NR1H4: variants seen among roughly 807,000 people sequenced by gnomAD.
The protein encoded by NR1H4 is nuclear receptor subfamily 1 group H member 4.
In NR1H4, 23 loss-of-function variants were observed where a neutral mutation model predicts 58.5. The ratio of observed to expected loss-of-function variants is 0.39; its 90% CI spans 0.28 to 0.56. The LOEUF (loss-of-function observed/expected upper bound fraction) is 0.56. Ranked by LOEUF, NR1H4 falls within the 20% of genes least tolerant of loss-of-function variation. The pLI is 0.58. For synonymous variants in NR1H4, 214 were observed against 198.0 expected, an observed-to-expected ratio of 1.08 and a Z score of -0.68; for missense variants, 487 against 576.9, an observed-to-expected ratio of 0.84 and a Z score of 1.60.
intron 9 of NR1H4, among the ~76,000 whole-genome samples, chr12:100,543,484 G>A (rs780221935): frequency 5.3e-5 from 8 of 152,094 alleles, no homozygotes; most frequent in Non-Finnish European, 8.8e-5. Context: ...GGATCTGGGA[G>A]ATATATCTTC....
At chr12:100,557,151 A>G (rs981889696) in intron 9 of NR1H4, among the ~76,000 whole-genome samples, 1 of 152,158 alleles carries the variant, frequency 6.6e-6, no homozygotes, top group Non-Finnish European at 1.5e-5. Flanking sequence ...AAAGAGGTTT[A>G]TTTGGTTCAT....
chr12:100,562,379 A>G (rs868712348), intron 10 of NR1H4, among the ~76,000 whole-genome samples: 63 of 152,186 alleles, frequency 4.1e-4, no homozygotes, highest in South Asian at 2.1e-4. Flanking sequence ...GAATATAAAG[A>G]AAGAGAGTGG....
intron 4 of NR1H4, among the ~76,000 whole-genome samples, chr12:100,512,672 T>G (rs1292827287): frequency 1.3e-5 from 2 of 151,446 alleles, no homozygotes; most frequent in Non-Finnish European, 2.9e-5. Flanking sequence ...TAAAATCCCA[T>G]GTGATTACTG....
chr12:100,558,262 A>G (rs1008384761), intron 9 of NR1H4, among the ~76,000 whole-genome samples: 1 of 146,626 alleles, frequency 6.8e-6, no homozygotes, highest in African/African-American at 2.5e-5. Context: ...AGTCCCAGCT[A>G]CTTGGGAGGC....
intron 8 of NR1H4, among the ~76,000 whole-genome samples, chr12:100,537,518 G>GATA (rs1954840470): frequency 6.6e-6 from 1 of 152,122 alleles, no homozygotes; most frequent in Non-Finnish European, 1.5e-5. Context: ...TAATAATAAT[G>GATA]ATAAATACAC....
intron 1 of NR1H4, among the ~76,000 whole-genome samples, chr12:100,479,592 C>G (rs1953337409): frequency 6.6e-6 from 1 of 152,246 alleles, no homozygotes; most frequent in Non-Finnish European, 1.5e-5. Context: ...TCCTTCAAGA[C>G]TAAGTTCAAG....
intron 9 of NR1H4, among the ~76,000 whole-genome samples, chr12:100,553,747 G>A (rs11110418): frequency 0.3 from 45,281 of 152,128 alleles, 8,691 homozygotes; most frequent in East Asian, 0.91. Flanking sequence ...TGCTATCCTT[G>A]GCGTATTGAC....
chr12:100,500,685 T>C (rs1953814212), intron 3 of NR1H4, among the ~76,000 whole-genome samples: 1 of 152,184 alleles, frequency 6.6e-6, no homozygotes, highest in Admixed American at 6.5e-5. Flanking sequence ...GTTCTCATGA[T>C]AGTGAGTGAG....
intron 3 of NR1H4, among the ~76,000 whole-genome samples, chr12:100,507,981 A>G (rs1009529844): frequency 6.6e-6 from 1 of 152,138 alleles, no homozygotes; most frequent in African/African-American, 2.4e-5. Flanking sequence ...ACTTTTAGAT[A>G]TAAAGAAGAA....
intron 9 of NR1H4, among the ~76,000 whole-genome samples, chr12:100,558,556 G>T (rs1301617782): frequency 6.6e-6 from 1 of 152,102 alleles, no homozygotes; most frequent in African/African-American, 2.4e-5. Flanking sequence ...ATGGGGTTTT[G>T]CCATGTTGCC....
chr12:100,500,348 G>C (rs1953806433), intron 3 of NR1H4, among the ~76,000 whole-genome samples: 1 of 152,106 alleles, frequency 6.6e-6, no homozygotes, highest in Non-Finnish European at 1.5e-5. Flanking sequence ...GCCCCACTCA[G>C]CGTGAGAGGT....
chr12:100,524,719 G>T (rs1954512941), intron 4 of NR1H4, among the ~76,000 whole-genome samples: 1 of 152,164 alleles, frequency 6.6e-6, no homozygotes, highest in Non-Finnish European at 1.5e-5. Flanking sequence ...CTCTTCAACT[G>T]CTCCTAGAGG....
intron 5 of NR1H4, 127 bp from the exon 6 acceptor site, chr12:100,534,763 G>T (rs1954775469): frequency 2.9e-6 from 3 of 1,050,322 alleles, no homozygotes; most frequent in Non-Finnish European, 4.4e-6. Context: ...ATGCATAAAA[G>T]GCTAGCGTTA....
chr12:100,505,312 A>C (rs971830892), intron 3 of NR1H4, among the ~76,000 whole-genome samples: 11 of 152,192 alleles, frequency 7.2e-5, no homozygotes, highest in Admixed American at 2.0e-4. Flanking sequence ...TTCTGGTCCC[A>C]AACTCCTTAG....
At chr12:100,504,962 G>T (rs1483137133) in intron 3 of NR1H4, among the ~76,000 whole-genome samples, 1 of 152,200 alleles carries the variant, frequency 6.6e-6, no homozygotes, top group Non-Finnish European at 1.5e-5. Context: ...CAGAGTAGGT[G>T]ACCAGAAGTA....
rs143581679 is a variant in NR1H4, at chr12:100,541,571, C to T, written c.1078+753C>T. The stretch of plus-strand genomic sequence containing the variant: ...TGCTGAGATTACAGGTGTGAGCCAC[C>T]GTGCCTGACTAAAGTTAACTTTTTT... On this transcript the variant is annotated intron_variant, in intron 9 of 10. Coordinates refer to ENST00000392986, the MANE Select transcript of NR1H4 (RefSeq NM_001206979.2). Among the ~76,000 whole-genome samples, 1,257 of 151,784 alleles carry T rather than the reference C, an allele frequency of 8.3e-3. 9 individuals carry two copies. Among genetic ancestry groups the T allele is most frequent in the Middle Eastern group, 0.021 (6 of 292 alleles).
rs143193327 is a variant in NR1H4 at position 100,538,551 on chromosome 12, A to G, written c.931+1504A>G. ...ATCCCAGCCTCAAATTCTTTTTGCC[A>G]CATTATTAATGCTATCTAAGCTAAT... On this transcript the variant is annotated intron_variant, in intron 8 of 10. Transcript: ENST00000392986. 2.2e-3 allele frequency among the ~76,000 whole-genome samples: 339 copies of G among 152,330 alleles called. 2 individuals are homozygous for G. The highest frequency in any genetic ancestry group is 8.0e-3 in the African/African-American group (332 of 41,584).
intron 3 of NR1H4, among the ~76,000 whole-genome samples, chr12:100,499,683 G>A (rs1953790943): frequency 6.6e-6 from 1 of 152,172 alleles, no homozygotes; most frequent in South Asian, 2.1e-4. Flanking sequence ...CTAAGAAACA[G>A]ATTCTTAGGG....
At chr12:100,547,974 C>T (rs1955115212) in intron 9 of NR1H4, among the ~76,000 whole-genome samples, 1 of 150,888 alleles carries the variant, frequency 6.6e-6, no homozygotes, top group South Asian at 2.1e-4. Context: ...CCCGCCTTGG[C>T]CTCCCAAAGT....
Sources: allele counts gnomAD v4.1 joint callset (sites outside exome capture counted in the v4.1 genomes callset), GRCh38; gene constraint gnomAD v4.1.1; transcripts MANE v1.5; gene names NCBI Gene and HGNC (gene_info 2026-07-23, HGNC 2026-07-21).